Variants in PUS10 observed in about 807,000 individuals in gnomAD.
PUS10 encodes the protein tRNA pseudouridine synthase Pus10.
PUS10 carries 59 observed loss-of-function variants against 75.0 expected under a neutral mutation model. That is an observed-to-expected ratio of 0.79 (90% CI 0.64 to 0.98). The LOEUF is 0.98. PUS10 is among the 50% of genes least tolerant of loss of function. The pLI is 0.00. For missense variants in PUS10, 650 were observed against 614.4 expected (o/e 1.06, Z -0.61); for synonymous variants, 219 against 211.6 (o/e 1.03, Z -0.30).
chr2:61,015,985 C>A (rs941282861), intron 1 of PUS10, among the ~76,000 whole-genome samples: 1 of 152,164 alleles, frequency 6.6e-6, no homozygotes, highest in Non-Finnish European at 1.5e-5. Context: ...AAGAAATACA[C>A]CCTCTTCCAA....
At chr2:60,965,201 G>C in intron 7 of PUS10, 98 bp from the exon 8 acceptor site, 2 of 1,238,746 alleles carry the variant, frequency 1.6e-6, no homozygotes, top group Non-Finnish European at 2.4e-6. Flanking sequence ...CTAAACTCAG[G>C]ACATCAGGAG....
chr2:61,017,486 G>A (rs1324029213), intron 1 of PUS10: 2 of 342,674 alleles, frequency 5.8e-6, no homozygotes, highest in East Asian at 9.5e-5. Flanking sequence ...AGTTGTAGCC[G>A]CTACCAGAAA....
chr2:60,978,588 G>T (rs1467961386), intron 4 of PUS10, among the ~76,000 whole-genome samples: 1 of 152,072 alleles, frequency 6.6e-6, no homozygotes, highest in Non-Finnish European at 1.5e-5. Flanking sequence ...AAATGCAAAG[G>T]AGGAAGCAGG....
intron 17 of PUS10, among the ~76,000 whole-genome samples, chr2:60,943,703 C>A (rs1441375957): frequency 6.6e-6 from 1 of 151,586 alleles, no homozygotes; most frequent in Non-Finnish European, 1.5e-5. Context: ...ACCAAACACC[C>A]AAATGTAAAT....
chr2:60,954,030 C>T (rs746872562), intron 13 of PUS10, 42 bp from the exon 14 acceptor site: 12 of 1,609,788 alleles, frequency 7.5e-6, no homozygotes, highest in Admixed American at 1.7e-5. Context: ...AAGTCTAGCT[C>T]AGTTACAGAA....
At chr2:60,978,457 G>A (rs1677181405) in intron 4 of PUS10, among the ~76,000 whole-genome samples, 1 of 149,698 alleles carries the variant, frequency 6.7e-6, no homozygotes, top group African/African-American at 2.5e-5. Flanking sequence ...TTCACAGGGT[G>A]AAAAACGTGG....
intron 5 of PUS10, 40 bp from the exon 6 acceptor site, chr2:60,967,653 T>G: frequency 7.1e-7 from 1 of 1,402,256 alleles, no homozygotes; most frequent in Non-Finnish European, 9.9e-7. Flanking sequence ...ATGAAAAACT[T>G]TACTTTTTCT....
chr2:60,953,934 T>G lies in PUS10; in HGVS notation c.1189A>C (p.Arg397=), dbSNP rs1402033048. Residue 397 remains arginine (R), a splice_region_variant and synonymous_variant, in exon 14 of 18, where the codon AGA becomes CGA. Transcript: ENST00000316752. ...CATCTCCAATGAGCCTACTCTTACC[T>G]TGTGACAAGCTGCAAGTCACGTACT... ...IQVRDLQLVT[R]EAIGHMKEGE... The G allele has an allele frequency of 6.2e-7, 1 of 1,613,496 alleles. No individual in the cohort carries two copies.
At position 60,948,038 on chromosome 2, in the gene PUS10, G is replaced by A. The variant is rs1160177054; in HGVS notation, c.1451+5C>T. 21 of 1,613,896 alleles carry A rather than the reference G, an allele frequency of 1.3e-5. No homozygotes were observed. Among genetic ancestry groups the A allele is most frequent in the Non-Finnish European group, 1.7e-5 (20 of 1,179,994 alleles). ...ATGGCGGCAGTGCAGCAGGTGGAAG[G>A]ATACGTGCCAGCCTGAGTTTTCAAG... On this transcript the variant is annotated splice_donor_5th_base_variant and intron_variant, in intron 16 of 17. Coordinates refer to ENST00000316752, the MANE Select transcript of PUS10 (RefSeq NM_144709.4).
chr2:61,013,975 CAAA>C (rs914461344), intron 1 of PUS10, among the ~76,000 whole-genome samples: 1 of 151,788 alleles, frequency 6.6e-6, no homozygotes, highest in African/African-American at 2.4e-5. Flanking sequence ...ACAACAACAA[CAAA>C]GTTGATCAGC....
At chr2:60,961,680 C>A in intron 9 of PUS10, 132 bp from the exon 10 acceptor site, 1 of 739,120 alleles carries the variant, frequency 1.4e-6, no homozygotes, top group Non-Finnish European at 2.4e-6. Context: ...CGCAACAATA[C>A]AGGTCTTGCA....
intron 11 of PUS10, among the ~76,000 whole-genome samples, chr2:60,958,944 A>G (rs1045038208): frequency 1.3e-5 from 2 of 152,288 alleles, no homozygotes; most frequent in East Asian, 3.9e-4. Flanking sequence ...AATATCATCC[A>G]TGCCCTGCAG....
chr2:60,953,538 CA>C (rs1232627677), intron 14 of PUS10, among the ~76,000 whole-genome samples: 1 of 152,154 alleles, frequency 6.6e-6, no homozygotes, highest in Admixed American at 6.5e-5. Context: ...TTTTCATTAC[CA>C]AATAATATTC....
chr2:60,988,159 T>G (rs1677841147), intron 4 of PUS10, among the ~76,000 whole-genome samples: 1 of 152,086 alleles, frequency 6.6e-6, no homozygotes, highest in Admixed American at 6.6e-5. Context: ...GCTCACGAGA[T>G]GTCAAAAATG....
intron 4 of PUS10, among the ~76,000 whole-genome samples, chr2:60,998,198 G>T (rs1235875102): frequency 2.6e-5 from 4 of 152,066 alleles, no homozygotes; most frequent in African/African-American, 9.7e-5. Flanking sequence ...AATTAAAAAA[G>T]ATTCTAGGAC....
In PUS10 at chr2:61,018,034, T is replaced by A; in HGVS notation, c.-42A>T. ...AGTGGGGACTTTAGTGTCTCACAGCTGTTTCTGACCCGGCAGCTCTAATCA... is the reference window on the plus strand; with the variant it reads ...AGTGGGGACTTTAGTGTCTCACAGCAGTTTCTGACCCGGCAGCTCTAATCA... On this transcript the variant is annotated 5_prime_UTR_variant, in exon 1 of 18. Transcript: ENST00000316752. 2.8e-6 allele frequency: 4 copies of A among 1,429,236 alleles called. No individual in the cohort carries two copies. Among genetic ancestry groups the A allele is most frequent in the Non-Finnish European group, 3.7e-6 (4 of 1,071,614 alleles). The allele number at this position is 1,429,236 out of a possible 1,614,324, so 88.5% of individuals were successfully genotyped here.
chr2:61,011,101 C>T (rs1679568251), intron 2 of PUS10, among the ~76,000 whole-genome samples: 1 of 152,108 alleles, frequency 6.6e-6, no homozygotes, highest in Non-Finnish European at 1.5e-5. Context: ...ATGTTGTATA[C>T]ATACTGTTTA....
chr2:60,987,524 T>A (rs1223963435), intron 4 of PUS10, among the ~76,000 whole-genome samples: 1 of 152,182 alleles, frequency 6.6e-6, no homozygotes, highest in Non-Finnish European at 1.5e-5. Flanking sequence ...CAAGGTCTAA[T>A]GACAAAGCTT....
intron 1 of PUS10, chr2:61,017,711 G>A: frequency 2.7e-6 from 4 of 1,462,390 alleles, no homozygotes; most frequent in Non-Finnish European, 3.7e-6. Context: ...GGTCTACGCG[G>A]GCCTGGACAG....
Sources: allele counts gnomAD v4.1 joint callset (sites outside exome capture counted in the v4.1 genomes callset), GRCh38; gene constraint gnomAD v4.1.1; transcripts MANE v1.5; gene names NCBI Gene and HGNC (gene_info 2026-07-23, HGNC 2026-07-21).